The following MBNL2 variants were observed in gnomAD, a reference collection of about 807,000 sequenced individuals.
MBNL2 encodes muscleblind-like protein 2.
MBNL2 carries 17 observed loss-of-function variants against 41.9 expected under a neutral mutation model. The observed-to-expected ratio is 0.41, with a 90% confidence interval of 0.28 to 0.61. The LOEUF (loss-of-function observed/expected upper bound fraction) is 0.61. Ranked by LOEUF, MBNL2 falls within the 20% of genes least tolerant of loss-of-function variation. The pLI is 0.35. For synonymous variants in MBNL2, 195 were observed against 182.9 expected, an observed-to-expected ratio of 1.07 and a Z score of -0.53; for missense variants, 336 against 505.6, an observed-to-expected ratio of 0.66 and a Z score of 3.22.
chr13:97,366,578 T>G lies in MBNL2; in HGVS notation c.1048+1407T>G, dbSNP rs2063858225. 1 of 1,454,086 alleles carries G rather than the reference T, an allele frequency of 6.9e-7. No individual in the cohort carries two copies. Among genetic ancestry groups the G allele is most frequent in the South Asian group, 1.2e-5 (1 of 86,390 alleles). 90.1% of individuals were successfully genotyped at this position (1,454,086 alleles called of 1,614,324 possible). On this transcript the variant is annotated intron_variant, in intron 8 of 8. Coordinates refer to ENST00000679496, the MANE Select transcript of MBNL2 (RefSeq NM_001382683.1). The surrounding 1 kb of genome is among the most constrained non-coding windows in gnomAD (Gnocchi z 4.7). The stretch of plus-strand genomic sequence containing the variant: ...GGTTTGCTCCTTTTAAAGCTTTCTT[T>G]CACAAATCCCAAACTCTAAATGAGT...
At chr13:97,264,847 C>A (rs2049410773) in intron 1 of MBNL2, among the ~76,000 whole-genome samples, 2 of 152,322 alleles carry the variant, frequency 1.3e-5, no homozygotes, top group African/African-American at 2.4e-5. Flanking sequence ...ACAAAGAGTT[C>A]TCTGGGAATT....
chr13:97,167,057 T>G, the MBNL2 span, among the ~76,000 whole-genome samples: 2 of 152,196 alleles, frequency 1.3e-5, no homozygotes, highest in East Asian at 3.8e-4. Context: ...GGGAAATGCC[T>G]TGAATATTAC....
chr13:97,373,605 A>AATATATATATATATAT (rs35049420), intron 8 of MBNL2, among the ~76,000 whole-genome samples: 17 of 145,386 alleles, frequency 1.2e-4, no homozygotes, highest in African/African-American at 3.0e-4. Context: ...GTATGCTAAA[A>AATATATATATATATAT]ATATATATAT....
the MBNL2 span, among the ~76,000 whole-genome samples, chr13:97,211,719 A>T: frequency 6.6e-6 from 1 of 152,228 alleles, no homozygotes; most frequent in Non-Finnish European, 1.5e-5. Context: ...GAATATACCC[A>T]TGACATGATC....
At chr13:97,177,920 A>G in the MBNL2 span, among the ~76,000 whole-genome samples, 18 of 152,256 alleles carry the variant, frequency 1.2e-4, 1 homozygote, top group Admixed American at 9.8e-4. Context: ...AGAATTCTCT[A>G]AGACAAACCA....
At chr13:97,162,392 T>G in the MBNL2 span, among the ~76,000 whole-genome samples, 2 of 152,190 alleles carry the variant, frequency 1.3e-5, no homozygotes, top group Non-Finnish European at 2.9e-5. Flanking sequence ...GTGGAAATGT[T>G]AGGTCCATGA....
intron 8 of MBNL2, among the ~76,000 whole-genome samples, chr13:97,369,110 T>C (rs1447134992): frequency 1.3e-5 from 2 of 152,330 alleles, no homozygotes; most frequent in East Asian, 3.9e-4. Flanking sequence ...ATATTCTTTA[T>C]GTATTTTCAA....
chr13:97,298,803 C>T (rs1216111585), intron 2 of MBNL2, among the ~76,000 whole-genome samples: 2 of 152,080 alleles, frequency 1.3e-5, no homozygotes, highest in Admixed American at 6.5e-5. Context: ...CTGTTTGTGC[C>T]GGAAAAGTAC....
chr13:97,269,144 T>C (rs530993623), intron 1 of MBNL2, among the ~76,000 whole-genome samples: 102 of 152,348 alleles, frequency 6.7e-4, no homozygotes, highest in Non-Finnish European at 1.3e-3. Flanking sequence ...GCCTAGGTTC[T>C]GCACTGGAAG....
the MBNL2 span, among the ~76,000 whole-genome samples, chr13:97,162,072 G>A: frequency 6.6e-6 from 1 of 152,134 alleles, no homozygotes; most frequent in African/African-American, 2.4e-5. Flanking sequence ...GAAGCTGACT[G>A]GCGTAGGAGG....
chr13:97,286,917 A>C (rs2054573733), intron 2 of MBNL2, among the ~76,000 whole-genome samples: 1 of 152,188 alleles, frequency 6.6e-6, no homozygotes, highest in Admixed American at 6.5e-5. Context: ...TAAGGCTGGG[A>C]GGCAGGGACC....
intron 3 of MBNL2, among the ~76,000 whole-genome samples, chr13:97,337,410 C>A (rs1338889296): frequency 1.3e-5 from 2 of 152,152 alleles, no homozygotes; most frequent in Non-Finnish European, 2.9e-5. Flanking sequence ...TGTGATGAAT[C>A]TCTCCTTTGT....
At chr13:97,301,298 C>A (rs2057596045) in intron 2 of MBNL2, among the ~76,000 whole-genome samples, 1 of 152,068 alleles carries the variant, frequency 6.6e-6, no homozygotes, top group Non-Finnish European at 1.5e-5. Context: ...AAATAGGTAC[C>A]CTGATATTAC....
Position 97,391,493 on chromosome 13 carries a change from T to A in MBNL2, c.*44T>A. On this transcript the variant is annotated 3_prime_UTR_variant, in exon 9 of 9. Coordinates refer to ENST00000679496, the MANE Select transcript of MBNL2 (RefSeq NM_001382683.1). The stretch of plus-strand genomic sequence containing the variant: ...TGGACAGACCACAACTCTAAGAAGC[T>A]AGTGCTGCTATCTCATATATGAGTA... 3 of 834,142 alleles carry A rather than the reference T, an allele frequency of 3.6e-6. No homozygotes were observed. The South Asian group carries it at 4.1e-5, about 11-fold the overall frequency. 51.7% of individuals were successfully genotyped at this position (834,142 alleles called of 1,614,324 possible).
intron 2 of MBNL2, among the ~76,000 whole-genome samples, chr13:97,303,920 G>A (rs1232477638): frequency 6.6e-6 from 1 of 152,138 alleles, no homozygotes; most frequent in Non-Finnish European, 1.5e-5. Context: ...ATGTCCCAGG[G>A]TATAAATTAG....
chr13:97,269,450 C>T (rs907989306), intron 1 of MBNL2, among the ~76,000 whole-genome samples: 6 of 152,158 alleles, frequency 3.9e-5, no homozygotes, highest in African/African-American at 9.7e-5. Flanking sequence ...AACAGGGGCA[C>T]CTCTGGGCAG....
intron 2 of MBNL2, among the ~76,000 whole-genome samples, chr13:97,302,554 A>G (rs527621963): frequency 1.1e-4 from 17 of 152,334 alleles, no homozygotes; most frequent in Admixed American, 4.6e-4. Context: ...CCTCACAACT[A>G]ACCCTATGAT....
At chr13:97,365,235 T>A (rs2063757144) in intron 8 of MBNL2, 64 bp downstream of exon 8, 3 of 1,033,754 alleles carry the variant, frequency 2.9e-6, no homozygotes, top group Non-Finnish European at 4.6e-6. Context: ...TGCTTGAAAT[T>A]TATTTCAGAG....
intron 1 of MBNL2, among the ~76,000 whole-genome samples, chr13:97,271,423 G>GATTT (rs34646186): frequency 0.59 from 88,554 of 149,334 alleles, 26,725 homozygotes; most frequent in East Asian, 0.7. Context: ...CACTTTTTAA[G>GATTT]ATTTATTTAT....
Sources: allele counts gnomAD v4.1 joint callset (sites outside exome capture counted in the v4.1 genomes callset), GRCh38; gene constraint gnomAD v4.1.1; non-coding constraint Gnocchi (gnomAD v3.1); transcripts MANE v1.5; gene names NCBI Gene and HGNC (gene_info 2026-07-23, HGNC 2026-07-21).